CLASP1: variants seen among roughly 807,000 people sequenced by gnomAD.
The protein encoded by CLASP1 is CLIP-associating protein 1.
Under a neutral mutation model 192.3 loss-of-function variants are expected in CLASP1, and 38 were observed. The observed-to-expected ratio is 0.20, with a 90% CI of 0.15 to 0.26. CLASP1 has a LOEUF of 0.26. Among genes scored for constraint, CLASP1 ranks in the 10% least tolerant of loss-of-function variants. The probability of loss-of-function intolerance (pLI) is 1.00; values close to 1 mark genes in which losing one functional copy is unlikely to be tolerated. For missense variants in CLASP1, 1,433 were observed against 1,932.5 expected (o/e 0.74, Z 4.85); for synonymous variants, 691 against 712.8 (o/e 0.97, Z 0.49).
intron 29 of CLASP1, 147 bp from the exon 31 acceptor site, chr2:121,397,430 C>T: frequency 1.5e-6 from 1 of 683,722 alleles, no homozygotes; most frequent in Non-Finnish European, 2.4e-6. Context: ...GGAGCGACAT[C>T]CAACAGAGGA....
chr2:121,389,951 G>A (rs57958232), intron 30 of CLASP1, among the ~76,000 whole-genome samples: 262 of 151,788 alleles, frequency 1.7e-3, no homozygotes, highest in African/African-American at 6.1e-3. Flanking sequence ...ATAGTGCACT[G>A]CAGCCTCGAA....
intron 2 of CLASP1, among the ~76,000 whole-genome samples, chr2:121,594,645 C>T (rs1462118389): frequency 6.6e-6 from 1 of 152,076 alleles, no homozygotes; most frequent in African/African-American, 2.4e-5. Context: ...CCCGCCTTGG[C>T]CTCCCAAAGT....
intron 2 of CLASP1, among the ~76,000 whole-genome samples, chr2:121,596,971 G>A (rs576242077): frequency 5.3e-5 from 8 of 152,282 alleles, no homozygotes; most frequent in Non-Finnish European, 8.8e-5. Flanking sequence ...AAGGCAGCAC[G>A]GAATGGGCCT....
At chr2:121,342,282 C>A (rs1252694513) in intron 39 of CLASP1, among the ~76,000 whole-genome samples, 3 of 152,044 alleles carry the variant, frequency 2.0e-5, no homozygotes, top group African/African-American at 7.2e-5. Context: ...CCACCATGCC[C>A]AGCTAATTTT....
intron 1 of CLASP1, among the ~76,000 whole-genome samples, chr2:121,627,326 C>T (rs1236638033): frequency 6.6e-6 from 1 of 152,138 alleles, no homozygotes; most frequent in Admixed American, 6.6e-5. Context: ...TGGAAAGACA[C>T]ATGAAATGGA....
chr2:121,531,129 G>T, intron 2 of CLASP1: 2 of 620,030 alleles, frequency 3.2e-6, no homozygotes, highest in South Asian at 3.6e-5. Context: ...CGCAAGTAAA[G>T]TTCTTTCAGT....
intron 2 of CLASP1, among the ~76,000 whole-genome samples, chr2:121,532,857 T>C (rs1559544006): frequency 1.3e-5 from 2 of 152,226 alleles, no homozygotes; most frequent in Non-Finnish European, 2.9e-5. Context: ...ATGAGATATT[T>C]GTAATTTTTC....
intron 7 of CLASP1, among the ~76,000 whole-genome samples, chr2:121,507,506 A>T (rs2093978219): frequency 6.6e-6 from 1 of 152,236 alleles, no homozygotes; most frequent in East Asian, 1.9e-4. Flanking sequence ...AGAAAAAAGA[A>T]AAGGAGATAC....
intron 7 of CLASP1, chr2:121,504,809 T>C (rs528262762): frequency 6.6e-6 from 1 of 152,384 alleles, no homozygotes; most frequent in East Asian, 1.9e-4. Flanking sequence ...CAAGCCCAGA[T>C]GTTCCCTCAG....
At chr2:121,562,297 A>G (rs2059157550) in intron 2 of CLASP1, among the ~76,000 whole-genome samples, 1 of 152,194 alleles carries the variant, frequency 6.6e-6, no homozygotes. Flanking sequence ...TGTGCGGAAC[A>G]AACATGTGCT....
intron 1 of CLASP1, among the ~76,000 whole-genome samples, chr2:121,632,223 G>A (rs906658885): frequency 3.3e-5 from 5 of 151,994 alleles, no homozygotes; most frequent in African/African-American, 1.2e-4. Flanking sequence ...TAGCCTGGGC[G>A]ACAGAGCTTT....
intron 23 of CLASP1, among the ~76,000 whole-genome samples, chr2:121,413,922 A>G (rs771054097): frequency 2.6e-5 from 4 of 152,198 alleles, no homozygotes; most frequent in Non-Finnish European, 5.9e-5. Context: ...AAATATGAAC[A>G]CTGGAGAAAC....
chr2:121,382,589 A>C (rs1199195690), intron 32 of CLASP1, among the ~76,000 whole-genome samples: 1 of 152,218 alleles, frequency 6.6e-6, no homozygotes, highest in African/African-American at 2.4e-5. Context: ...TGAGATTCCA[A>C]GAGTGTCTAT....
intron 2 of CLASP1, among the ~76,000 whole-genome samples, chr2:121,554,428 T>C (rs1256491579): frequency 1.3e-4 from 13 of 99,328 alleles, no homozygotes; most frequent in East Asian, 1.2e-3. Context: ...CTGGGCAACA[T>C]AGGAAGACCC....
chr2:121,444,493 T>A (rs577633828), intron 19 of CLASP1, among the ~76,000 whole-genome samples: 1 of 152,374 alleles, frequency 6.6e-6, no homozygotes, highest in East Asian at 1.9e-4. Context: ...TTAGTCTGAA[T>A]AATTGACATT....
At chr2:121,552,722 C>T (rs1170068389) in intron 2 of CLASP1, among the ~76,000 whole-genome samples, 1 of 152,332 alleles carries the variant, frequency 6.6e-6, no homozygotes, top group East Asian at 1.9e-4. Context: ...GAAAAGGGAA[C>T]ACTTAACACA....
chr2:121,349,259 A>C (rs1316005351), intron 37 of CLASP1, among the ~76,000 whole-genome samples: 1 of 151,924 alleles, frequency 6.6e-6, no homozygotes. Context: ...AAGAAAAGAA[A>C]AGAAAAGAAA....
At chr2:121,518,231 CAAAAAAA>C (rs35409200) in intron 6 of CLASP1, among the ~76,000 whole-genome samples, 7 of 49,580 alleles carry the variant, frequency 1.4e-4, no homozygotes, top group African/African-American at 2.1e-4. Flanking sequence ...ACCCCCGTCT[CAAAAAAA>C]AAAAAAAAAA....
intron 34 of CLASP1, among the ~76,000 whole-genome samples, chr2:121,375,311 G>A (rs928707988): frequency 4.0e-5 from 6 of 151,684 alleles, no homozygotes; most frequent in Non-Finnish European, 7.4e-5. Context: ...TACAACCTGT[G>A]GAACTGTGAG....
Sources: gnomAD v4.1 joint callset for allele counts (sites outside exome capture counted in the v4.1 genomes callset) on GRCh38, gnomAD v4.1.1 for gene constraint, MANE v1.5 for transcripts, NCBI Gene and HGNC (gene_info 2026-07-23, HGNC 2026-07-21) for gene names.